Variants in APMAP observed in about 807,000 individuals in gnomAD.
APMAP encodes adipocyte plasma membrane associated protein.
In APMAP, 33 loss-of-function variants were observed where a neutral mutation model predicts 43.6. The ratio of observed to expected loss-of-function variants is 0.76; its 90% CI spans 0.57 to 1.01. The LOEUF (loss-of-function observed/expected upper bound fraction) is 1.01. APMAP is among the 50% of genes least tolerant of loss of function. APMAP has a pLI of 0.00. For synonymous variants in APMAP, 224 were observed against 216.7 expected, an observed-to-expected ratio of 1.03 and a Z score of -0.30; for missense variants, 498 against 540.7, an observed-to-expected ratio of 0.92 and a Z score of 0.78.
chr20:24,978,896 C>A lies in APMAP; in HGVS notation c.213-14G>T, dbSNP rs755010382. 6.3e-7 allele frequency: 1 copy of A among 1,585,978 alleles called. No homozygotes were observed. The highest frequency in any genetic ancestry group is 8.7e-7 in the Non-Finnish European group (1 of 1,154,572). On this transcript the variant is annotated splice_polypyrimidine_tract_variant and intron_variant, in intron 2 of 8. Coordinates refer to ENST00000217456, the MANE Select transcript of APMAP (RefSeq NM_020531.3). ...GGTTCTTTGAAGCTGCAAAATAATG[C>A]AATTCCAGAGATCTGTCTATAAATA...
At chr20:24,991,988 T>G (rs753618970) in intron 1 of APMAP, among the ~76,000 whole-genome samples, 20 of 152,230 alleles carry the variant, frequency 1.3e-4, no homozygotes, top group Non-Finnish European at 8.8e-5. Flanking sequence ...CTCACAAAAA[T>G]TGCCTACAAT....
At chr20:24,981,086 T>C (rs940802552) in intron 2 of APMAP, among the ~76,000 whole-genome samples, 10 of 152,202 alleles carry the variant, frequency 6.6e-5, no homozygotes, top group Non-Finnish European at 1.5e-4. Context: ...GGATGGTCGC[T>C]CTTCCAGTCT....
chr20:24,963,953 C>A lies in APMAP; in HGVS notation c.1111G>T (p.Gly371Cys), dbSNP rs767242659. The A allele has an allele frequency of 1.2e-5, 20 of 1,614,098 alleles. 1 individual carries two copies. Among genetic ancestry groups the A allele is most frequent in the Admixed American group, 1.2e-4 (7 of 60,008 alleles). Residue 371 changes from glycine to cysteine, a missense_variant, in exon 9 of 9, where the codon GGT becomes TGT. Physicochemically the swap from Gly to Cys is radical, Grantham distance 159. Coordinates refer to ENST00000217456, the MANE Select transcript of APMAP (RefSeq NM_020531.3). ...TCATGCAGGCTTCTCCGGAAGGCACCGCTGTCGCTGAGTTCTAGGACGAGG... is the reference window on the plus strand; with the variant it reads ...TCATGCAGGCTTCTCCGGAAGGCACAGCTGTCGCTGAGTTCTAGGACGAGG... ...YSLVLELSDS[G>C]AFRRSLHDPD... is the part of the protein sequence containing the mutation.
In APMAP at chr20:24,969,558, C is replaced by G. The variant is rs2087979919; in HGVS notation, c.816G>C (p.Leu272=). The G allele has an allele frequency of 6.2e-7, 1 of 1,613,634 alleles. No individual in the cohort carries two copies. The highest frequency in any genetic ancestry group is 1.3e-5 in the African/African-American group (1 of 74,906). Residue 272 remains leucine (L), a synonymous_variant, in exon 7 of 9, where the codon CTG becomes CTC. Coordinates refer to ENST00000217456, the MANE Select transcript of APMAP (RefSeq NM_020531.3). ...VQLSPAEDFV[L]VAETTMARIR... is the part of the protein sequence containing the mutation. ...TCCTGGCCATGGTTGTTTCTGCCAC[C>G]AGGACAAAGTCTTCTGCAGGAGACA...
At chr20:24,976,103 T>TATG (rs1211670861) in intron 3 of APMAP, among the ~76,000 whole-genome samples, 1 of 152,158 alleles carries the variant, frequency 6.6e-6, no homozygotes, top group Non-Finnish European at 1.5e-5. Context: ...AAAATCTAGG[T>TATG]ATGATGATGA....
intron 8 of APMAP, among the ~76,000 whole-genome samples, chr20:24,965,734 A>G (rs2087937176): frequency 6.6e-6 from 1 of 152,256 alleles, no homozygotes; most frequent in African/African-American, 2.4e-5. Context: ...ATGGGGTGCT[A>G]CAGCCCTGGA....
rs114304241 is a variant in APMAP, at chr20:24,964,037, A to T, written c.1042-15T>A. Reference sequence around the variant, plus strand: ...TGACTAAAGAGCTAGAGGGAAGCACAGTGCAGGGAAAGTTCACCAGCTGGC... The same window carrying T: ...TGACTAAAGAGCTAGAGGGAAGCACTGTGCAGGGAAAGTTCACCAGCTGGC... On this transcript the variant is annotated splice_polypyrimidine_tract_variant and intron_variant, in intron 8 of 8. Transcript: ENST00000217456. 6.2e-7 allele frequency: 1 copy of T among 1,613,076 alleles called. No individual in the cohort carries two copies. Among genetic ancestry groups the T allele is most frequent in the African/African-American group, 1.3e-5 (1 of 75,032 alleles).
At chr20:24,966,923 C>G (rs936081984) in intron 8 of APMAP, among the ~76,000 whole-genome samples, 2 of 152,064 alleles carry the variant, frequency 1.3e-5, no homozygotes, top group African/African-American at 4.8e-5. Flanking sequence ...GCCGCTAACT[C>G]GGAAACAGTG....
rs759889840 is a variant in APMAP at position 24,978,830 on chromosome 20, G to C, written c.265C>G (p.Arg89Gly). ...TTTTCAAACAGCCTTTCTGCCTGTCGCAGCTTCGTATTTGGATGCAGAACA... is the reference window on the plus strand; with the variant it reads ...TTTTCAAACAGCCTTTCTGCCTGTCCCAGCTTCGTATTTGGATGCAGAACA... ...LGVLHPNTKL[R>G]QAERLFENQL... The change falls in exon 3 of 9, where the codon CGA becomes GGA. Residue 89 changes from arginine to glycine, a missense_variant. Coordinates refer to ENST00000217456, the MANE Select transcript of APMAP (RefSeq NM_020531.3). The C allele has an allele frequency of 2.5e-6, 4 of 1,612,200 alleles. No homozygotes were observed. The Admixed American group carries it at 5.0e-5, about 20-fold the overall frequency.
chr20:24,971,234 T>C (rs554637589), intron 5 of APMAP, among the ~76,000 whole-genome samples: 2 of 152,174 alleles, frequency 1.3e-5, no homozygotes, highest in Non-Finnish European at 2.9e-5. Context: ...ATATAAATAC[T>C]AGGAGGAAAT....
At position 24,977,942 on chromosome 20, in the gene APMAP, G is replaced by A. The variant is rs369838116; in HGVS notation, c.328+825C>T. 2.9e-4 allele frequency among the ~76,000 whole-genome samples: 44 copies of A among 152,340 alleles called. 1 individual carries two copies. In the South Asian group the frequency reaches 8.5e-3, roughly 29 times the overall value. The stretch of plus-strand genomic sequence containing the variant: ...AAATGGACCAGTCCTTGGGGCCTGT[G>A]TCAAATAACAGGGCCCAGGCAAGAG... On this transcript the variant is annotated intron_variant, in intron 3 of 8. Coordinates refer to ENST00000217456, the MANE Select transcript of APMAP (RefSeq NM_020531.3).
chr20:24,966,227 G>A (rs1310022367), intron 8 of APMAP, among the ~76,000 whole-genome samples: 1 of 152,230 alleles, frequency 6.6e-6, no homozygotes, highest in East Asian at 1.9e-4. Flanking sequence ...CATGCCCAAA[G>A]GCCCAGAAGC....
chr20:24,963,697 A>ACAGGTGCAT lies in APMAP; in HGVS notation c.*107_*115dup. On this transcript the variant is annotated 3_prime_UTR_variant, in exon 9 of 9. Coordinates refer to ENST00000217456, the MANE Select transcript of APMAP (RefSeq NM_020531.3). The stretch of plus-strand genomic sequence containing the variant: ...CATTCCCACCACCTCTCAGGGACTA[A>ACAGGTGCAT]CAGGTGCATGTGGACACTTGAACCA... 2 of 1,087,344 alleles carry ACAGGTGCAT rather than the reference A, an allele frequency of 1.8e-6. No homozygotes were observed. Among genetic ancestry groups the ACAGGTGCAT allele is most frequent in the South Asian group, 3.0e-5 (2 of 67,658 alleles). 67.4% of individuals were successfully genotyped at this position (1,087,344 alleles called of 1,614,324 possible).
chr20:24,972,071 T>C (rs1302669873), intron 4 of APMAP, among the ~76,000 whole-genome samples: 2 of 140,748 alleles, frequency 1.4e-5, no homozygotes, highest in South Asian at 2.4e-4. Flanking sequence ...TTGTAGGGTG[T>C]TCACTGTGGG....
rs759578181 is a variant in APMAP at position 24,978,747 on chromosome 20, C to CCCG, written c.328+19_328+20insCGG. 3.0e-6 allele frequency: 4 copies of CCCG among 1,312,634 alleles called. No individual in the cohort carries two copies. The highest frequency in any genetic ancestry group is 1.5e-5 in the African/African-American group (1 of 65,736). The allele number at this position is 1,312,634 out of a possible 1,614,324, so 81.3% of individuals were successfully genotyped here. ...ACAGACAGCCTGGAAGGCTCCCCCC[C>CCCG]CACCCAAGCTTAGACTTACCCCCAA... On this transcript the variant is annotated intron_variant, in intron 3 of 8. Coordinates refer to ENST00000217456, the MANE Select transcript of APMAP (RefSeq NM_020531.3).
chr20:24,987,050 T>C (rs1480776196), intron 1 of APMAP, among the ~76,000 whole-genome samples: 2 of 152,264 alleles, frequency 1.3e-5, no homozygotes, highest in African/African-American at 4.8e-5. Flanking sequence ...TTGCAGTATG[T>C]ATCTGTACAT....
intron 1 of APMAP, among the ~76,000 whole-genome samples, chr20:24,991,882 G>A (rs760388898): frequency 6.6e-6 from 1 of 152,204 alleles, no homozygotes; most frequent in South Asian, 2.1e-4. Flanking sequence ...AGATGGGAGA[G>A]GAGGCAAAGG....
intron 8 of APMAP, among the ~76,000 whole-genome samples, chr20:24,966,747 T>C (rs936670599): frequency 2.0e-5 from 3 of 152,160 alleles, no homozygotes; most frequent in African/African-American, 7.2e-5. Flanking sequence ...GAATCATTTG[T>C]TATAAAGGAC....
In APMAP at chr20:24,978,745, C is replaced by A. The variant is rs376804461; in HGVS notation, c.328+22G>T. On this transcript the variant is annotated intron_variant, in intron 3 of 8. Coordinates refer to ENST00000217456, the MANE Select transcript of APMAP (RefSeq NM_020531.3). ...CAACAGACAGCCTGGAAGGCTCCCC[C>A]CCCACCCAAGCTTAGACTTACCCCC... 6.1e-3 allele frequency: 8,228 copies of A among 1,343,138 alleles called. 544 individuals carry two copies. In the African/African-American group the frequency reaches 0.11, roughly 18 times the overall value. The allele number at this position is 1,343,138 out of a possible 1,614,324, so 83.2% of individuals were successfully genotyped here. A position where few individuals can be genotyped will look rare whatever the true frequency, so the allele number is the denominator to read the frequency against.
Sources: allele counts gnomAD v4.1 joint callset (sites outside exome capture counted in the v4.1 genomes callset), GRCh38; gene constraint gnomAD v4.1.1; transcripts MANE v1.5; gene names NCBI Gene and HGNC (gene_info 2026-07-23, HGNC 2026-07-21).